ZMIZ1: variants seen among roughly 807,000 people sequenced by gnomAD.
ZMIZ1 encodes zinc finger MIZ domain-containing protein 1.
A neutral mutation model predicts 113.9 loss-of-function variants in ZMIZ1; 17 were observed. The observed-to-expected ratio is 0.15, with a 90% CI of 0.10 to 0.22. The LOEUF is 0.22. Among genes scored for constraint, ZMIZ1 ranks in the 10% least tolerant of loss-of-function variants. The pLI is 1.00. For synonymous variants in ZMIZ1, 607 were observed against 603.1 expected, an observed-to-expected ratio of 1.01 and a Z score of -0.09; for missense variants, 1,059 against 1,477.8, an observed-to-expected ratio of 0.72 and a Z score of 4.65.
At position 79,291,033 on chromosome 10, in the gene ZMIZ1, C is replaced by G; in HGVS notation, c.615C>G (p.Thr205=). 6.2e-7 allele frequency: 1 copy of G among 1,614,250 alleles called. No homozygotes were observed. The highest frequency in any genetic ancestry group is 8.5e-7 in the Non-Finnish European group (1 of 1,180,042). The stretch of plus-strand genomic sequence containing the variant: ...GCAACCCCATGGCGTCGGGCATGAC[C>G]ACCAGCAACCCAGGCCTCAACTCCC... ...PGGNPMASGM[T]TSNPGLNSPQ... The change falls in exon 10 of 25, where the codon ACC becomes ACG. Residue 205 remains threonine (T), a synonymous_variant. Transcript: ENST00000334512.
rs371112487 is a variant in ZMIZ1, at chr10:79,310,798, G to A, written c.2836-126G>A. 244 of 1,084,406 alleles carry A rather than the reference G, an allele frequency of 2.3e-4. 1 individual carries two copies. The South Asian group carries it at 3.2e-3, about 14-fold the overall frequency. The allele number at this position is 1,084,406 out of a possible 1,614,324, so 67.2% of individuals were successfully genotyped here. A position where few individuals can be genotyped will look rare whatever the true frequency, so the allele number is the denominator to read the frequency against. On this transcript the variant is annotated intron_variant, in intron 23 of 24. Transcript: ENST00000334512. ...CTGCCCAGAAACAACGTTCAGCCTC[G>A]TACCGGGTGGCCACGTTTCGGGGGT...
intron 12 of ZMIZ1, chr10:79,295,213 A>T (rs1564592792): frequency 6.6e-6 from 1 of 152,098 alleles, no homozygotes; most frequent in Non-Finnish European, 1.5e-5. Flanking sequence ...AAAGGAGGCA[A>T]TCTCGGATGA....
At chr10:79,252,288 G>A (rs1850599843) in intron 7 of ZMIZ1, among the ~76,000 whole-genome samples, 1 of 152,048 alleles carries the variant, frequency 6.6e-6, no homozygotes, top group Non-Finnish European at 1.5e-5. Flanking sequence ...AGCTTTACAT[G>A]GCGGTGTACC....
At position 79,296,232 on chromosome 10, in the gene ZMIZ1, G is replaced by A. The variant is rs564545513; in HGVS notation, c.1231-239G>A. On this transcript the variant is annotated intron_variant, in intron 12 of 24. Coordinates refer to ENST00000334512, the MANE Select transcript of ZMIZ1 (RefSeq NM_020338.4). The surrounding 1 kb of genome is among the most constrained non-coding windows in gnomAD (Gnocchi z 4.1). ...CTGAAAGTGTCCCTGGAGTTCAGGG[G>A]CACATGTGCTCCAGGAAGAACGGCC... 4 of 575,652 alleles carry A rather than the reference G, an allele frequency of 6.9e-6. No homozygotes were observed. Among genetic ancestry groups the A allele is most frequent in the South Asian group, 6.0e-5 (3 of 49,588 alleles). 35.7% of individuals were successfully genotyped at this position (575,652 alleles called of 1,614,324 possible). A position where few individuals can be genotyped will look rare whatever the true frequency, so the allele number is the denominator to read the frequency against.
chr10:79,275,581 G>A (rs567319843), intron 7 of ZMIZ1, among the ~76,000 whole-genome samples: 123 of 152,370 alleles, frequency 8.1e-4, no homozygotes, highest in African/African-American at 2.9e-3. Context: ...GTGCCTATGG[G>A]TGTCTTCCAC....
At chr10:79,231,609 C>T (rs1012979458) in intron 7 of ZMIZ1, among the ~76,000 whole-genome samples, 4 of 151,394 alleles carry the variant, frequency 2.6e-5, no homozygotes, top group Non-Finnish European at 5.9e-5. Flanking sequence ...GACGGAGTCT[C>T]GCTCTGTCAC....
intron 7 of ZMIZ1, among the ~76,000 whole-genome samples, chr10:79,254,142 C>G (rs1850730391): frequency 6.6e-6 from 1 of 152,206 alleles, no homozygotes; most frequent in Admixed American, 6.5e-5. Context: ...TGTTCCACTT[C>G]TGAGGTTTTC....
intron 7 of ZMIZ1, among the ~76,000 whole-genome samples, chr10:79,262,246 C>T (rs113348714): frequency 0.045 from 6,845 of 152,332 alleles, 171 homozygotes; most frequent in African/African-American, 0.051. Flanking sequence ...ATCAGCAGCA[C>T]CTGAGACCTG....
chr10:79,312,649 C>A lies in ZMIZ1; in HGVS notation c.3104C>A (p.Pro1035His). ...TTACTCCTTCTTTTCCAGCTCCTTC[C>A]CGAACTCACAAATCCTGACGAGCTC... ...DMPEPSLDLLPELTNPDELLS... is the reference protein window; with the variant it reads ...DMPEPSLDLLHELTNPDELLS... Residue 1035 changes from proline (P) to histidine (H), a missense_variant, in exon 25 of 25, where the codon CCC (proline) becomes CAC (histidine). This residue lies in a region of ZMIZ1 where 225 missense variants were observed against 276.0 expected (regional missense o/e 0.82). Transcript: ENST00000334512. The A allele has an allele frequency of 6.2e-7, 1 of 1,614,216 alleles. No individual in the cohort carries two copies. Among genetic ancestry groups the A allele is most frequent in the Non-Finnish European group, 8.5e-7 (1 of 1,180,024 alleles).
rs756587769 is a variant in ZMIZ1, at chr10:79,300,879, C to T, written c.1956C>T (p.His652=). ...GDNKTSHKPL[H]LKHVCQPGRN... ...ACAAGACCTCCCACAAGCCCCTGCA[C>T]CTGAAGCACGTGTGCCAGCCGGGCC... is the stretch of plus-strand genomic sequence containing the variant. The change falls in exon 17 of 25, where the codon CAC becomes CAT. Residue 652 remains histidine (H), a synonymous_variant. Transcript: ENST00000334512. 6.2e-7 allele frequency: 1 copy of T among 1,613,258 alleles called. No homozygotes were observed. Among genetic ancestry groups the T allele is most frequent in the African/African-American group, 1.3e-5 (1 of 74,928 alleles).
At chr10:79,147,310 C>T (rs1845531566) in intron 3 of ZMIZ1, among the ~76,000 whole-genome samples, 1 of 152,226 alleles carries the variant, frequency 6.6e-6, no homozygotes. Context: ...ACAGAGAACT[C>T]TCTCAGCCCT....
intron 7 of ZMIZ1, among the ~76,000 whole-genome samples, chr10:79,227,625 T>G (rs1849244305): frequency 6.6e-6 from 1 of 152,242 alleles, no homozygotes; most frequent in South Asian, 2.1e-4. Flanking sequence ...GTATAGGACA[T>G]GCTGTATATG....
At chr10:79,274,045 G>T (rs1852111475) in intron 7 of ZMIZ1, among the ~76,000 whole-genome samples, 1 of 151,684 alleles carries the variant, frequency 6.6e-6, no homozygotes, top group East Asian at 1.9e-4. Flanking sequence ...GGACCTCTGT[G>T]TAAAAAGGGG....
At chr10:79,188,000 T>G (rs780210102) in intron 4 of ZMIZ1, among the ~76,000 whole-genome samples, 3 of 152,240 alleles carry the variant, frequency 2.0e-5, no homozygotes, top group Non-Finnish European at 4.4e-5. Flanking sequence ...TTAGTTATTT[T>G]CAGCCTTAGT....
intron 7 of ZMIZ1, among the ~76,000 whole-genome samples, chr10:79,252,286 A>T (rs559783596): frequency 9.9e-5 from 15 of 152,094 alleles, no homozygotes; most frequent in African/African-American, 3.6e-4. Context: ...AGAGCTTTAC[A>T]TGGCGGTGTA....
rs1157908549 is a variant in ZMIZ1 at position 79,118,391 on chromosome 10, C to G, written c.-336-524C>G. Among the ~76,000 whole-genome samples, 1 of 152,138 alleles carries G rather than the reference C, an allele frequency of 6.6e-6. No homozygotes were observed. Among genetic ancestry groups the G allele is most frequent in the Non-Finnish European group, 1.5e-5 (1 of 68,026 alleles). The stretch of plus-strand genomic sequence containing the variant: ...TCACTCCCAATGTCCAGGAGCTGGG[C>G]CTGGAGCGGGAGAGTGTCCTGTGGG... On this transcript the variant is annotated intron_variant, in intron 1 of 24. Coordinates refer to ENST00000334512, the MANE Select transcript of ZMIZ1 (RefSeq NM_020338.4). The surrounding 1 kb of genome is among the most constrained non-coding windows in gnomAD (Gnocchi z 4.1).
chr10:79,315,655 C>G lies in ZMIZ1; in HGVS notation c.*2906C>G, dbSNP rs1855486920. On this transcript the variant is annotated 3_prime_UTR_variant, in exon 25 of 25. Coordinates refer to ENST00000334512, the MANE Select transcript of ZMIZ1 (RefSeq NM_020338.4). ...TTTTAAGAAACTGCTAATACTTTCT[C>G]CCTAATGGAAGCCCTGATCCCCCAG... 1 of 152,814 alleles carries G rather than the reference C, an allele frequency of 6.5e-6. No individual in the cohort carries two copies. The highest frequency in any genetic ancestry group is 2.4e-5 in the African/African-American group (1 of 41,466). 9.5% of individuals were successfully genotyped at this position (152,814 alleles called of 1,614,324 possible). A position where few individuals can be genotyped will look rare whatever the true frequency, so the allele number is the denominator to read the frequency against.
chr10:79,072,757 C>A (rs1293196675), intron 1 of ZMIZ1, among the ~76,000 whole-genome samples: 2 of 152,254 alleles, frequency 1.3e-5, no homozygotes, highest in Admixed American at 1.3e-4. Flanking sequence ...CCTGTCACTG[C>A]TGCCTGGTCT....
intron 4 of ZMIZ1, among the ~76,000 whole-genome samples, chr10:79,175,679 A>G (rs944809025): frequency 1.2e-4 from 17 of 147,100 alleles, no homozygotes; most frequent in African/African-American, 4.3e-4. Context: ...TGGCCACCAC[A>G]CCCTTCACAC....
Sources: gnomAD v4.1 joint callset for allele counts (sites outside exome capture counted in the v4.1 genomes callset) on GRCh38, gnomAD v4.1.1 for gene constraint, gnomAD v4.1.1 regional missense constraint, Gnocchi (gnomAD v3.1) non-coding constraint, MANE v1.5 for transcripts, NCBI Gene and HGNC (gene_info 2026-07-23, HGNC 2026-07-21) for gene names.